The following ACTR3C variants were observed in gnomAD, a reference collection of about 807,000 sequenced individuals.
ACTR3C encodes actin related protein 3C.
In ACTR3C, 18 loss-of-function variants were observed where a neutral mutation model predicts 26.3. The ratio of observed to expected loss-of-function variants is 0.68; its 90% confidence interval spans 0.47 to 1.01. The LOEUF (loss-of-function observed/expected upper bound fraction) is 1.01, where lower values mean the gene tolerates loss of function less well. ACTR3C is among the 50% of genes least tolerant of loss of function. The probability of loss-of-function intolerance (pLI) is 0.00; values close to 1 mark genes in which losing one functional copy is unlikely to be tolerated. For missense variants in ACTR3C, 184 were observed against 250.7 expected (o/e 0.73, Z 1.80); for synonymous variants, 55 against 94.5 (o/e 0.58, Z 2.42).
the ACTR3C span, among the ~76,000 whole-genome samples, chr7:149,912,010 G>GGA: frequency 7.8e-6 from 1 of 128,374 alleles, no homozygotes; most frequent in South Asian, 2.6e-4. Context: ...ACCCTGTCTC[G>GGA]AAAAAAAAAA....
chr7:149,906,523 C>G, the ACTR3C span, among the ~76,000 whole-genome samples: 1 of 141,428 alleles, frequency 7.1e-6, no homozygotes, highest in Admixed American at 7.8e-5. Flanking sequence ...CCTCCACCTC[C>G]CGGATTCAAG....
rs543217748 is a variant in ACTR3C, at chr7:150,295,171, C to T, written c.45+81G>A. On this transcript the variant is annotated intron_variant, in intron 2 of 7. Transcript: ENST00000683684. ...AAGGGCACACAGCGCAGTCTTCCAG[C>T]GGAGAACCTTGGGAAATACCATTTC... is the stretch of plus-strand genomic sequence containing the variant. 2.4e-3 allele frequency: 3,646 copies of T among 1,520,238 alleles called. 4 individuals are homozygous for T. Among genetic ancestry groups the T allele is most frequent in the Middle Eastern group, 5.7e-3 (33 of 5,840 alleles). The allele number at this position is 1,520,238 out of a possible 1,614,324, so 94.2% of individuals were successfully genotyped here.
chr7:150,201,278 C>T, the ACTR3C span, among the ~76,000 whole-genome samples: 1 of 152,190 alleles, frequency 6.6e-6, no homozygotes, highest in South Asian at 2.1e-4. Context: ...TCCAGGTGTT[C>T]ATTTTATAAG....
the ACTR3C span, among the ~76,000 whole-genome samples, chr7:149,912,860 G>A: frequency 6.6e-6 from 1 of 152,016 alleles, no homozygotes; most frequent in East Asian, 1.9e-4. Flanking sequence ...CAGAACTGAC[G>A]TTATTTTTAA....
the ACTR3C span, among the ~76,000 whole-genome samples, chr7:149,901,589 A>G: frequency 6.6e-6 from 1 of 151,992 alleles, no homozygotes; most frequent in Non-Finnish European, 1.5e-5. Context: ...CTTCAGCTAT[A>G]ATGATGAATC....
At chr7:150,264,896 A>T (rs1221551491) in intron 6 of ACTR3C, 2 of 975,706 alleles carry the variant, frequency 2.0e-6, no homozygotes, top group Non-Finnish European at 2.4e-6. Flanking sequence ...AATAGATCAA[A>T]TACAAAAGAG....
the ACTR3C span, among the ~76,000 whole-genome samples, chr7:150,019,120 G>A: frequency 2.4e-4 from 36 of 150,132 alleles, 2 homozygotes; most frequent in African/African-American, 9.0e-4. Context: ...CTTGGAAAAA[G>A]CAAATCAAAA....
chr7:150,107,899 GC>G, the ACTR3C span, among the ~76,000 whole-genome samples: 1 of 152,012 alleles, frequency 6.6e-6, no homozygotes, highest in African/African-American at 2.4e-5. Flanking sequence ...AACGTTTAGA[GC>G]TTTTTTGGAG....
the ACTR3C span, among the ~76,000 whole-genome samples, chr7:150,040,302 A>T: frequency 1.1e-3 from 169 of 147,756 alleles, 8 homozygotes; most frequent in South Asian, 0.034. Context: ...GTTTGGGTTA[A>T]AAGTCCAGCT....
At chr7:150,311,700 T>C (rs900169070) in intron 1 of ACTR3C, among the ~76,000 whole-genome samples, 2 of 152,156 alleles carry the variant, frequency 1.3e-5, no homozygotes, top group African/African-American at 4.8e-5. Flanking sequence ...CCACACTTAG[T>C]TTATTGATGG....
the ACTR3C span, among the ~76,000 whole-genome samples, chr7:150,035,940 G>A: frequency 7.2e-6 from 1 of 139,742 alleles, no homozygotes; most frequent in Non-Finnish European, 1.6e-5. Flanking sequence ...CCTGCGATGG[G>A]GGTCCTCAGA....
the ACTR3C span, among the ~76,000 whole-genome samples, chr7:150,020,171 T>A: frequency 2.6e-5 from 4 of 152,260 alleles, no homozygotes; most frequent in Non-Finnish European, 4.4e-5. Flanking sequence ...GCAAACATTA[T>A]TTTTAGTGCA....
chr7:150,061,464 G>T, the ACTR3C span, among the ~76,000 whole-genome samples: 5,063 of 147,350 alleles, frequency 0.034, 129 homozygotes, highest in Non-Finnish European at 0.055. Context: ...GAGATCCACC[G>T]GGCACCTCCA....
chr7:150,199,652 AT>A, the ACTR3C span, among the ~76,000 whole-genome samples: 11 of 135,532 alleles, frequency 8.1e-5, no homozygotes, highest in African/African-American at 2.3e-4. Context: ...AAAAAAATAA[AT>A]AAAAAAAAAT....
At chr7:150,321,120 T>G (rs752179801) in intron 1 of ACTR3C, among the ~76,000 whole-genome samples, 8 of 152,198 alleles carry the variant, frequency 5.3e-5, no homozygotes, top group Non-Finnish European at 1.2e-4. Context: ...TCTGATCACC[T>G]CGGCTTGTGT....
chr7:150,045,997 C>T, the ACTR3C span, among the ~76,000 whole-genome samples: 1 of 152,162 alleles, frequency 6.6e-6, no homozygotes, highest in East Asian at 1.9e-4. Context: ...CCCAATTAAA[C>T]CATTTGCCAA....
the ACTR3C span, among the ~76,000 whole-genome samples, chr7:150,043,362 C>T: frequency 1.3e-5 from 2 of 151,540 alleles, no homozygotes; most frequent in Admixed American, 6.6e-5. Flanking sequence ...GTCACAAGAG[C>T]CAGAGGGGGA....
chr7:150,154,347 A>T, the ACTR3C span, among the ~76,000 whole-genome samples: 1 of 152,100 alleles, frequency 6.6e-6, no homozygotes, highest in Non-Finnish European at 1.5e-5. Flanking sequence ...TCTTTTTTTT[A>T]AATAAATCTT....
At chr7:150,259,260 G>A (rs560010572) in intron 6 of ACTR3C, among the ~76,000 whole-genome samples, 56 of 125,576 alleles carry the variant, frequency 4.5e-4, no homozygotes, top group African/African-American at 1.6e-3. Flanking sequence ...AAAAGAAAGA[G>A]AAAGAAGAAA....
Sources: gnomAD v4.1 joint callset for allele counts (sites outside exome capture counted in the v4.1 genomes callset) on GRCh38, gnomAD v4.1.1 for gene constraint, MANE v1.5 for transcripts, NCBI Gene and HGNC (gene_info 2026-07-23, HGNC 2026-07-21) for gene names.